Variants in RELCH observed in about 807,000 individuals in gnomAD.
RELCH encodes the protein RAB11-binding protein RELCH.
In RELCH, 41 loss-of-function variants were observed where a neutral mutation model predicts 150.3. The observed-to-expected ratio is 0.27, with a 90% CI of 0.21 to 0.35. The LOEUF is 0.35. Ranked by LOEUF, RELCH falls within the 10% of genes least tolerant of loss-of-function variation. The pLI is 1.00. For missense variants in RELCH, 1,092 were observed against 1,467.8 expected, an observed-to-expected ratio of 0.74 and a Z score of 4.18; for synonymous variants, 478 against 531.8, an observed-to-expected ratio of 0.90 and a Z score of 1.39.
intron 20 of RELCH, 45 bp downstream of exon 20, chr18:62,268,993 GA>G: frequency 1.0e-6 from 1 of 961,512 alleles, no homozygotes; most frequent in Admixed American, 2.5e-5. Flanking sequence ...TTTCCATTTA[GA>G]AAAATGCCTA....
intron 18 of RELCH, among the ~76,000 whole-genome samples, chr18:62,266,116 T>A (rs2144743757): frequency 6.6e-6 from 1 of 151,920 alleles, no homozygotes; most frequent in African/African-American, 2.4e-5. Flanking sequence ...TGGCCTGAAA[T>A]CTGTGATAAT....
At chr18:62,275,960 C>G (rs920547297) in intron 22 of RELCH, among the ~76,000 whole-genome samples, 2 of 152,132 alleles carry the variant, frequency 1.3e-5, no homozygotes, top group African/African-American at 4.8e-5. Flanking sequence ...CATCCCAATA[C>G]ATTAACTGCC....
chr18:62,285,704 A>G (rs921716252), intron 25 of RELCH: 1 of 152,240 alleles, frequency 6.6e-6, no homozygotes, highest in Non-Finnish European at 1.5e-5. Flanking sequence ...GTGGTGCACT[A>G]TGATTGCACC....
intron 18 of RELCH, among the ~76,000 whole-genome samples, chr18:62,266,480 T>C (rs2043569252): frequency 6.6e-6 from 1 of 151,872 alleles, no homozygotes; most frequent in Non-Finnish European, 1.5e-5. Context: ...CTTGAGTTGA[T>C]TTTTTCAAAA....
intron 18 of RELCH, among the ~76,000 whole-genome samples, chr18:62,265,295 C>G (rs888297004): frequency 6.6e-6 from 1 of 152,032 alleles, no homozygotes; most frequent in Non-Finnish European, 1.5e-5. Flanking sequence ...AAGATGCCAC[C>G]TCTTAGAATA....
In RELCH at chr18:62,187,520, G is replaced by A. The variant is rs754910120; in HGVS notation, c.15G>A (p.Ala5=). The change falls in exon 1 of 29, where the codon GCG becomes GCA. Residue 5 remains alanine, a synonymous_variant. Transcript: ENST00000644646. MAAM[A]PGGSGSGGGV... is the part of the protein sequence containing the mutation. ...GACAGGATAAGATGGCGGCGATGGC[G>A]CCTGGAGGTAGTGGCAGTGGTGGCG... The A allele has an allele frequency of 2.6e-6, 4 of 1,514,504 alleles. No individual in the cohort carries two copies. The highest frequency in any genetic ancestry group is 3.5e-6 in the Non-Finnish European group (4 of 1,131,916). 93.8% of individuals were successfully genotyped at this position (1,514,504 alleles called of 1,614,324 possible).
chr18:62,194,724 C>T (rs2038903091), intron 1 of RELCH, among the ~76,000 whole-genome samples: 1 of 152,134 alleles, frequency 6.6e-6, no homozygotes, highest in Non-Finnish European at 1.5e-5. Flanking sequence ...ACTCAATAAG[C>T]ACTTGTTGGT....
intron 1 of RELCH, among the ~76,000 whole-genome samples, chr18:62,192,439 AT>A (rs1158682593): frequency 1.3e-5 from 2 of 152,232 alleles, no homozygotes; most frequent in East Asian, 3.9e-4. Context: ...TGCTTTTGGC[AT>A]TTTTGGCATG....
At position 62,279,839 on chromosome 18, in the gene RELCH, C is replaced by G; in HGVS notation, c.3033C>G (p.Leu1011=). 3 of 1,534,800 alleles carry G rather than the reference C, an allele frequency of 2.0e-6. No homozygotes were observed. The highest frequency in any genetic ancestry group is 2.6e-6 in the Non-Finnish European group (3 of 1,145,798). The change falls in exon 23 of 29, where the codon CTC becomes CTG. Residue 1011 remains leucine (L), a synonymous_variant. Coordinates refer to ENST00000644646, the MANE Select transcript of RELCH (RefSeq NM_001346231.2). ...GGGTTGTTCCTGCTCTCATTACTCT[C>G]TCCAGTGACCCTGAAATGTAAGTGT... The part of the protein sequence containing the change: ...AQRVVPALIT[L]SSDPEISVRI...
Position 62,187,570 on chromosome 18 carries a change from C to G in RELCH, c.65C>G (p.Ser22Trp). The G allele has an allele frequency of 6.6e-7, 1 of 1,519,480 alleles. No individual in the cohort carries two copies. Among genetic ancestry groups the G allele is most frequent in the African/African-American group, 1.4e-5 (1 of 71,798 alleles). 94.1% of individuals were successfully genotyped at this position (1,519,480 alleles called of 1,614,324 possible). The change falls in exon 1 of 29, where the codon TCG (serine) becomes TGG (tryptophan). Residue 22 changes from serine to tryptophan, a missense_variant. Physicochemically the swap from Ser to Trp is radical, Grantham distance 177. Coordinates refer to ENST00000644646, the MANE Select transcript of RELCH (RefSeq NM_001346231.2). ...GGGVNPFLSD[S>W]DEDDDEVAAT... ...GGCGTGAATCCATTTCTCAGTGATTCGGATGAGGACGATGACGAGGTAGCT... is the reference window on the plus strand; with the variant it reads ...GGCGTGAATCCATTTCTCAGTGATTGGGATGAGGACGATGACGAGGTAGCT...
chr18:62,228,246 G>A, intron 7 of RELCH, 59 bp from the exon 8 acceptor site: 1 of 1,305,482 alleles, frequency 7.7e-7, no homozygotes, highest in South Asian at 1.4e-5. Context: ...TGAGATTTAT[G>A]CTAGTTTTCA....
chr18:62,242,626 C>A (rs376326832), intron 10 of RELCH, among the ~76,000 whole-genome samples: 5 of 152,210 alleles, frequency 3.3e-5, no homozygotes, highest in African/African-American at 1.2e-4. Flanking sequence ...GGCCAGAGTT[C>A]TCAGTTTGGC....
intron 28 of RELCH, among the ~76,000 whole-genome samples, chr18:62,299,454 G>A (rs1226123652): frequency 5.3e-5 from 8 of 152,116 alleles, no homozygotes; most frequent in African/African-American, 1.9e-4. Context: ...AAGCTCAAAA[G>A]TACTTTTTTT....
chr18:62,289,338 G>T (rs1415311207), intron 26 of RELCH, among the ~76,000 whole-genome samples: 2 of 152,150 alleles, frequency 1.3e-5, no homozygotes, highest in African/African-American at 4.8e-5. Context: ...CTGTTCCATT[G>T]TATTCTAAGC....
intron 26 of RELCH, among the ~76,000 whole-genome samples, chr18:62,289,226 C>T (rs1471594701): frequency 6.6e-6 from 1 of 152,124 alleles, no homozygotes; most frequent in African/African-American, 2.4e-5. Context: ...TAACAACAGT[C>T]CCTGTTCAAG....
At chr18:62,236,215 G>A (rs1276872108) in intron 10 of RELCH, among the ~76,000 whole-genome samples, 5 of 151,834 alleles carry the variant, frequency 3.3e-5, no homozygotes, top group South Asian at 2.1e-4. Flanking sequence ...ATGATAATGC[G>A]ATTTTTCCCC....
intron 28 of RELCH, among the ~76,000 whole-genome samples, chr18:62,304,087 G>A (rs980187461): frequency 6.6e-6 from 1 of 152,156 alleles, no homozygotes. Context: ...CAAAAAGAGG[G>A]GGGAGTTAAA....
chr18:62,209,707 G>A (rs777911132), intron 1 of RELCH, among the ~76,000 whole-genome samples: 1 of 148,968 alleles, frequency 6.7e-6, no homozygotes, highest in Non-Finnish European at 1.5e-5. Flanking sequence ...AAGATTAATT[G>A]TAGAATATTG....
chr18:62,238,596 A>G (rs1337760923), intron 10 of RELCH, among the ~76,000 whole-genome samples: 1 of 152,082 alleles, frequency 6.6e-6, no homozygotes, highest in African/African-American at 2.4e-5. Context: ...TTCTGTGCCA[A>G]GGAAATATGT....
Sources: allele counts gnomAD v4.1 joint callset (sites outside exome capture counted in the v4.1 genomes callset), GRCh38; gene constraint gnomAD v4.1.1; transcripts MANE v1.5; gene names NCBI Gene and HGNC (gene_info 2026-07-23, HGNC 2026-07-21).